Variants in TMCC1 observed in about 807,000 individuals in gnomAD.
TMCC1 encodes the protein transmembrane and coiled-coil domain family 1.
A neutral mutation model predicts 52.4 loss-of-function variants in TMCC1; 15 were observed. That is an observed-to-expected ratio of 0.29 (90% confidence interval 0.19 to 0.44). The LOEUF (loss-of-function observed/expected upper bound fraction) is 0.44, where lower values mean the gene tolerates loss of function less well. Ranked by LOEUF, TMCC1 falls within the 20% of genes least tolerant of loss-of-function variation. The pLI, the probability that TMCC1 is intolerant of heterozygous loss-of-function variation, is 1.00. For synonymous variants in TMCC1, 279 were observed against 301.9 expected, an observed-to-expected ratio of 0.92 and a Z score of 0.79; for missense variants, 503 against 806.0, an observed-to-expected ratio of 0.62 and a Z score of 4.55.
At chr3:129,707,863 C>T (rs913078962) in intron 4 of TMCC1, among the ~76,000 whole-genome samples, 2 of 149,650 alleles carry the variant, frequency 1.3e-5, no homozygotes, top group South Asian at 2.1e-4. Context: ...ACCCAGGAGA[C>T]GGAGGTTGCA....
chr3:129,734,256 A>G (rs527943370), intron 4 of TMCC1, among the ~76,000 whole-genome samples: 1 of 152,258 alleles, frequency 6.6e-6, no homozygotes, highest in Non-Finnish European at 1.5e-5. Context: ...ACTATATGTT[A>G]TCAGTGTAAA....
chr3:129,702,359 T>A (rs1188106686), intron 4 of TMCC1, among the ~76,000 whole-genome samples: 2 of 152,080 alleles, frequency 1.3e-5, no homozygotes, highest in Non-Finnish European at 2.9e-5. Flanking sequence ...TTGATTTAAG[T>A]TTTATTTTCC....
intron 4 of TMCC1, among the ~76,000 whole-genome samples, chr3:129,672,551 G>C (rs981986234): frequency 4.6e-5 from 7 of 152,102 alleles, no homozygotes; most frequent in Non-Finnish European, 8.8e-5. Flanking sequence ...AGTGAGCTAT[G>C]ACTGCACCAC....
intron 5 of TMCC1, among the ~76,000 whole-genome samples, chr3:129,659,040 A>G (rs527367097): frequency 1.1e-4 from 17 of 150,902 alleles, no homozygotes; most frequent in African/African-American, 3.9e-4. Flanking sequence ...CTTTTCTAAC[A>G]CCTAGAGTTT....
intron 2 of TMCC1, among the ~76,000 whole-genome samples, chr3:129,862,545 C>G (rs894275330): frequency 6.6e-6 from 1 of 152,106 alleles, no homozygotes; most frequent in African/African-American, 2.4e-5. Flanking sequence ...AAGGGATGAG[C>G]TCAAATAGCA....
At chr3:129,821,883 C>T (rs951638377) in intron 4 of TMCC1, among the ~76,000 whole-genome samples, 11 of 151,840 alleles carry the variant, frequency 7.2e-5, no homozygotes, top group Admixed American at 6.6e-4. Context: ...TGGGCAACAC[C>T]GCAAAACTCC....
chr3:129,876,148 A>G (rs2061198503), intron 2 of TMCC1, among the ~76,000 whole-genome samples: 1 of 151,962 alleles, frequency 6.6e-6, no homozygotes, highest in Non-Finnish European at 1.5e-5. Context: ...AAAAAAAAAA[A>G]AAAGTTTAAA....
At chr3:129,856,756 T>G (rs2107918434) in intron 2 of TMCC1, among the ~76,000 whole-genome samples, 1 of 152,266 alleles carries the variant, frequency 6.6e-6, no homozygotes, top group East Asian at 1.9e-4. Flanking sequence ...TTCACTAAAT[T>G]AGCAAAACAT....
chr3:129,750,589 TTTTTG>T (rs1217022139), intron 4 of TMCC1, among the ~76,000 whole-genome samples: 11 of 148,772 alleles, frequency 7.4e-5, no homozygotes, highest in Middle Eastern at 3.4e-3. Context: ...TTTTTTTTTT[TTTTTG>T]AGACAGAGTC....
chr3:129,839,461 A>G (rs920289959), intron 2 of TMCC1, among the ~76,000 whole-genome samples: 1 of 152,170 alleles, frequency 6.6e-6, no homozygotes, highest in Non-Finnish European at 1.5e-5. Flanking sequence ...CACACCAAAG[A>G]AGGCAGTAGG....
chr3:129,853,205 AAC>A (rs1346000008), intron 2 of TMCC1, among the ~76,000 whole-genome samples: 2 of 152,114 alleles, frequency 1.3e-5, no homozygotes, highest in African/African-American at 4.8e-5. Context: ...AAAAAAAAGA[AAC>A]ACCAAAAAAC....
At chr3:129,865,377 G>A (rs79872103) in intron 2 of TMCC1, among the ~76,000 whole-genome samples, 1,632 of 150,060 alleles carry the variant, frequency 0.011, 32 homozygotes, top group African/African-American at 0.038. Context: ...TTTCAAACTC[G>A]TGGGCTCAAG....
chr3:129,863,693 C>T lies in TMCC1; in HGVS notation c.-184+16616G>A, dbSNP rs536524705. Among the ~76,000 whole-genome samples, 7 of 152,204 alleles carry T rather than the reference C, an allele frequency of 4.6e-5. No individual in the cohort carries two copies. In the East Asian group the frequency reaches 1.4e-3, roughly 29 times the overall value. On this transcript the variant is annotated intron_variant, in intron 2 of 6. Transcript: ENST00000393238. ...CCTAACCAACATGGTGAAACCCCGT[C>T]TCTACTAAAAATACAAAAATTAGCC...
rs1024156253 is a variant in TMCC1, at chr3:129,893,607, C to A, written c.-548G>T. 7 of 152,114 alleles carry A rather than the reference C, an allele frequency of 4.6e-5. No homozygotes were observed. Among genetic ancestry groups the A allele is most frequent in the Admixed American group, 6.6e-5 (1 of 15,148 alleles). The allele number at this position is 152,114 out of a possible 1,614,324, so 9.4% of individuals were successfully genotyped here. A position where few individuals can be genotyped will look rare whatever the true frequency, so the allele number is the denominator to read the frequency against. On this transcript the variant is annotated 5_prime_UTR_variant, in exon 1 of 7. Transcript: ENST00000393238. Reference sequence around the variant, plus strand: ...CGGTCCATCCCCCACAACCACCCCCCCCTCCCGACCCTCCCCCCGCGCCGC... The same window carrying A: ...CGGTCCATCCCCCACAACCACCCCCACCTCCCGACCCTCCCCCCGCGCCGC...
chr3:129,692,861 A>T (rs2047125269), intron 4 of TMCC1, among the ~76,000 whole-genome samples: 1 of 152,108 alleles, frequency 6.6e-6, no homozygotes, highest in South Asian at 2.1e-4. Flanking sequence ...TTATTTATTT[A>T]AGATGGGGTC....
intron 4 of TMCC1, among the ~76,000 whole-genome samples, chr3:129,731,384 T>C (rs1314145510): frequency 6.6e-6 from 1 of 152,080 alleles, no homozygotes; most frequent in African/African-American, 2.4e-5. Flanking sequence ...TTGAGACCAG[T>C]CTAGCCAACA....
At chr3:129,725,389 G>T (rs976943471) in intron 4 of TMCC1, among the ~76,000 whole-genome samples, 2 of 152,156 alleles carry the variant, frequency 1.3e-5, no homozygotes, top group Non-Finnish European at 2.9e-5. Context: ...GATTACAGAT[G>T]TGAGCCACTG....
chr3:129,807,630 C>A (rs1172168590), intron 4 of TMCC1, among the ~76,000 whole-genome samples: 1 of 152,026 alleles, frequency 6.6e-6, no homozygotes, highest in Non-Finnish European at 1.5e-5. Flanking sequence ...ACAGGTGATA[C>A]CCAGAGGGTC....
intron 2 of TMCC1, among the ~76,000 whole-genome samples, chr3:129,858,718 A>T (rs146924987): frequency 1.6e-3 from 251 of 152,178 alleles, no homozygotes; most frequent in African/African-American, 5.8e-3. Context: ...ATCAAAAAAA[A>T]TTTTTTTCAG....
Sources: gnomAD v4.1 joint callset for allele counts (sites outside exome capture counted in the v4.1 genomes callset) on GRCh38, gnomAD v4.1.1 for gene constraint, MANE v1.5 for transcripts, NCBI Gene and HGNC (gene_info 2026-07-23, HGNC 2026-07-21) for gene names.